The following FHIT variants were observed in gnomAD, a reference collection of about 807,000 sequenced individuals.
FHIT encodes fragile histidine triad diadenosine triphosphatase.
A neutral mutation model predicts 17.9 loss-of-function variants in FHIT; 19 were observed. The observed-to-expected ratio is 1.06, with a 90% confidence interval of 0.74 to 1.56. The LOEUF (loss-of-function observed/expected upper bound fraction) is 1.56. Among genes scored for constraint, FHIT ranks in the 40% most tolerant of loss-of-function variants. The pLI is 0.00. For missense variants in FHIT, 248 were observed against 189.2 expected (o/e 1.31, Z -1.82); for synonymous variants, 81 against 69.7 (o/e 1.16, Z -0.81).
intron 5 of FHIT, among the ~76,000 whole-genome samples, chr3:60,276,867 G>C (rs1355261617): frequency 6.6e-6 from 1 of 152,114 alleles, no homozygotes; most frequent in African/African-American, 2.4e-5. Context: ...GATCTCATGT[G>C]AACTCACAGA....
rs942021307 is a variant in FHIT, at chr3:59,803,038, C to T, written c.349-50717G>A. Among the ~76,000 whole-genome samples the T allele has an allele frequency of 3.9e-5, 6 of 152,260 alleles. No individual in the cohort carries two copies. The East Asian group carries it at 5.8e-4, about 15-fold the overall frequency. ...CATGCCTGCCCTGTGATATCCCCAG[C>T]GCTGCCTAGCTGAATGGTGCATACA... On this transcript the variant is annotated intron_variant, in intron 8 of 9. Coordinates refer to ENST00000492590, the MANE Select transcript of FHIT (RefSeq NM_002012.4).
intron 4 of FHIT, among the ~76,000 whole-genome samples, chr3:60,621,741 A>G (rs2039136422): frequency 6.6e-6 from 1 of 152,088 alleles, no homozygotes; most frequent in African/African-American, 2.4e-5. Context: ...AAAAGGAATC[A>G]GGCCATTAAA....
At chr3:60,660,729 CTT>C in intron 4 of FHIT, among the ~76,000 whole-genome samples, 613 of 37,280 alleles carry the variant, frequency 0.016, 12 homozygotes, top group African/African-American at 0.044. Flanking sequence ...TTATTGTGCT[CTT>C]TTTTTTTTTT....
chr3:60,118,725 G>A (rs1037163703), intron 5 of FHIT, among the ~76,000 whole-genome samples: 4 of 102,456 alleles, frequency 3.9e-5, no homozygotes, highest in Non-Finnish European at 9.6e-5. Flanking sequence ...AAGAACTTCA[G>A]GGTCCGGGCC....
chr3:59,887,606 A>C (rs1264991047), intron 8 of FHIT, among the ~76,000 whole-genome samples: 1 of 152,202 alleles, frequency 6.6e-6, no homozygotes, highest in Non-Finnish European at 1.5e-5. Flanking sequence ...CTGGGCAGTA[A>C]AAGTACCACG....
intron 3 of FHIT, among the ~76,000 whole-genome samples, chr3:60,934,029 G>A (rs889242300): frequency 6.6e-6 from 1 of 152,182 alleles, no homozygotes; most frequent in Non-Finnish European, 1.5e-5. Context: ...TAATTAAATA[G>A]TGATGACAAG....
chr3:59,806,918 T>C (rs966550354), intron 8 of FHIT, among the ~76,000 whole-genome samples: 1 of 152,070 alleles, frequency 6.6e-6, no homozygotes, highest in East Asian at 1.9e-4. Context: ...AGAAAGCCCC[T>C]CTATTAATTA....
At chr3:61,198,891 C>G (rs1049701158) in intron 2 of FHIT, among the ~76,000 whole-genome samples, 10 of 89,778 alleles carry the variant, frequency 1.1e-4, no homozygotes, top group Admixed American at 4.4e-4. Context: ...GCTGCTGCCG[C>G]CGCCGATGAT....
chr3:59,988,911 AAGAC>A (rs1168904744), intron 7 of FHIT, among the ~76,000 whole-genome samples: 2 of 152,116 alleles, frequency 1.3e-5, no homozygotes, highest in Admixed American at 1.3e-4. Flanking sequence ...GAGCTACTCT[AAGAC>A]AGATTCTCCC....
At chr3:60,151,809 G>GT (rs1458032843) in intron 5 of FHIT, among the ~76,000 whole-genome samples, 1 of 152,072 alleles carries the variant, frequency 6.6e-6, no homozygotes, top group Non-Finnish European at 1.5e-5. Context: ...TCTTCAAAAA[G>GT]TTTTTCCTAG....
At chr3:59,784,458 A>G (rs973859722) in intron 8 of FHIT, among the ~76,000 whole-genome samples, 1 of 152,228 alleles carries the variant, frequency 6.6e-6, no homozygotes, top group Non-Finnish European at 1.5e-5. Flanking sequence ...AACAAGGCCT[A>G]GAAAGCCATA....
chr3:60,247,867 C>T (rs749294414), intron 5 of FHIT, among the ~76,000 whole-genome samples: 1 of 152,150 alleles, frequency 6.6e-6, no homozygotes, highest in Non-Finnish European at 1.5e-5. Flanking sequence ...GCTTAGCACA[C>T]AGTAAAGACT....
intron 3 of FHIT, among the ~76,000 whole-genome samples, chr3:60,961,916 T>C (rs1709471773): frequency 6.6e-6 from 1 of 152,222 alleles, no homozygotes; most frequent in Non-Finnish European, 1.5e-5. Flanking sequence ...ATGTGGGCTC[T>C]TTTTTGCTTC....
At chr3:61,127,827 G>A (rs2036654278) in intron 2 of FHIT, among the ~76,000 whole-genome samples, 1 of 152,028 alleles carries the variant, frequency 6.6e-6, no homozygotes, top group Admixed American at 6.6e-5. Flanking sequence ...TCGAGATCAT[G>A]CCACTGCACT....
rs111544878 is a variant in FHIT at position 60,337,382 on chromosome 3, T to C, written c.103+199478A>G. ...ACTACTTTCTAGCTATGTAAGCATG[T>C]GTTCTGACTGTCTCCTCATCTCTAA... is the stretch of plus-strand genomic sequence containing the variant. On this transcript the variant is annotated intron_variant, in intron 5 of 9. Transcript: ENST00000492590. 3.1e-3 allele frequency among the ~76,000 whole-genome samples: 470 copies of C among 152,312 alleles called. 1 individual carries two copies. The highest frequency in any genetic ancestry group is 0.011 in the African/African-American group (450 of 41,574).
chr3:60,373,307 G>A (rs1272224850), intron 5 of FHIT, among the ~76,000 whole-genome samples: 1 of 152,180 alleles, frequency 6.6e-6, no homozygotes, highest in Non-Finnish European at 1.5e-5. Context: ...AGAAAGTGAC[G>A]TTGAAGCTAA....
At chr3:60,216,418 A>G (rs1703701454) in intron 5 of FHIT, among the ~76,000 whole-genome samples, 1 of 152,132 alleles carries the variant, frequency 6.6e-6, no homozygotes, top group African/African-American at 2.4e-5. Context: ...AACCCAGAAG[A>G]CGTTTTATTT....
chr3:60,916,122 G>C (rs1706989939), intron 3 of FHIT, among the ~76,000 whole-genome samples: 1 of 152,154 alleles, frequency 6.6e-6, no homozygotes, highest in South Asian at 2.1e-4. Flanking sequence ...AGATTATAAA[G>C]TATAGATATT....
chr3:59,787,481 A>AACACAC (rs58100812), intron 8 of FHIT, among the ~76,000 whole-genome samples: 2,321 of 142,456 alleles, frequency 0.016, 33 homozygotes, highest in South Asian at 0.035. Context: ...CAAGGGGCAA[A>AACACAC]ACACACACAC....
Sources: gnomAD v4.1 joint callset for allele counts (sites outside exome capture counted in the v4.1 genomes callset) on GRCh38, gnomAD v4.1.1 for gene constraint, MANE v1.5 for transcripts, NCBI Gene and HGNC (gene_info 2026-07-23, HGNC 2026-07-21) for gene names.